Variants in B4GALT5 observed in about 807,000 individuals in gnomAD.
The protein encoded by B4GALT5 is beta-1,4-galactosyltransferase 5.
In B4GALT5, 11 loss-of-function variants were observed where a neutral mutation model predicts 45.0. That is an observed-to-expected ratio of 0.24 (90% CI 0.15 to 0.40). The LOEUF is 0.40. Among genes scored for constraint, B4GALT5 ranks in the 10% least tolerant of loss-of-function variants. The pLI, the probability that B4GALT5 is intolerant of heterozygous loss-of-function variation, is 1.00. For missense variants in B4GALT5, 337 were observed against 500.2 expected, an observed-to-expected ratio of 0.67 and a Z score of 3.11; for synonymous variants, 185 against 182.9, an observed-to-expected ratio of 1.01 and a Z score of -0.09.
intron 1 of B4GALT5, among the ~76,000 whole-genome samples, chr20:49,704,485 C>T (rs988635350): frequency 4.6e-5 from 7 of 151,832 alleles, no homozygotes; most frequent in Non-Finnish European, 7.4e-5. Context: ...TTTGGGAGGC[C>T]GAGGTGGGCG....
intron 2 of B4GALT5, among the ~76,000 whole-genome samples, chr20:49,649,282 T>C (rs1474205144): frequency 6.6e-6 from 1 of 152,144 alleles, no homozygotes; most frequent in Non-Finnish European, 1.5e-5. Context: ...CTAATTTATA[T>C]AAAGACATAA....
intron 1 of B4GALT5, among the ~76,000 whole-genome samples, chr20:49,694,767 G>T: frequency 6.6e-6 from 1 of 151,988 alleles, no homozygotes; most frequent in East Asian, 1.9e-4. Context: ...CCTGAACTCT[G>T]CCTTTGCATA....
intron 1 of B4GALT5, among the ~76,000 whole-genome samples, chr20:49,668,818 C>T (rs1167112783): frequency 2.0e-5 from 3 of 152,114 alleles, no homozygotes; most frequent in African/African-American, 7.2e-5. Flanking sequence ...CTCCCACCCC[C>T]ACTGACACCT....
intron 1 of B4GALT5, among the ~76,000 whole-genome samples, chr20:49,704,437 C>T (rs1442172213): frequency 6.6e-6 from 1 of 152,140 alleles, no homozygotes; most frequent in African/African-American, 2.4e-5. Context: ...CACAACATTG[C>T]GGCCGGGCGC....
intron 1 of B4GALT5, among the ~76,000 whole-genome samples, chr20:49,657,687 C>T (rs1486214324): frequency 6.6e-6 from 1 of 152,170 alleles, no homozygotes; most frequent in Non-Finnish European, 1.5e-5. Flanking sequence ...CTTGGCTAAC[C>T]TCGGGACCAG....
chr20:49,639,488 CA>C (rs1447490450), intron 7 of B4GALT5, among the ~76,000 whole-genome samples, 189 bp downstream of exon 7: 2 of 152,036 alleles, frequency 1.3e-5, no homozygotes, highest in African/African-American at 2.4e-5. Flanking sequence ...CTCGGCCTTC[CA>C]AAGTGCTGGG....
chr20:49,652,569 A>G (rs2085626884), intron 2 of B4GALT5, among the ~76,000 whole-genome samples: 1 of 151,704 alleles, frequency 6.6e-6, no homozygotes, highest in African/African-American at 2.4e-5. Flanking sequence ...CACTCCATTA[A>G]TAGATTACAA....
At chr20:49,663,073 C>CT (rs2146340006) in intron 1 of B4GALT5, among the ~76,000 whole-genome samples, 1 of 152,330 alleles carries the variant, frequency 6.6e-6, no homozygotes, top group Non-Finnish European at 1.5e-5. Context: ...GAATGAATCT[C>CT]TCACACTTTA....
Position 49,646,978 on chromosome 20 carries a change from T to C in B4GALT5, c.351A>G (p.Arg117=), listed in dbSNP as rs1206772489. Reference sequence around the variant, plus strand: ...AGCTGTACTCACTCATGGAAGGGAGTCTTTCAGGGCAGGTATGGTTTGCAA... The same window carrying C: ...AGCTGTACTCACTCATGGAAGGGAGCCTTTCAGGGCAGGTATGGTTTGCAA... ...TYFANHTCPE[R]LPSMKGPIDI... The change falls in exon 3 of 9, where the codon AGA becomes AGG. Residue 117 remains arginine (R), a synonymous_variant. Transcript: ENST00000371711. 1.9e-6 allele frequency: 3 copies of C among 1,610,942 alleles called. No individual in the cohort carries two copies. Among genetic ancestry groups the C allele is most frequent in the East Asian group, 4.5e-5 (2 of 44,838 alleles).
At chr20:49,645,801 T>C (rs1434970532) in intron 3 of B4GALT5, among the ~76,000 whole-genome samples, 1 of 151,874 alleles carries the variant, frequency 6.6e-6, no homozygotes, top group Non-Finnish European at 1.5e-5. Context: ...TTATACTAGA[T>C]AATGATAATA....
At chr20:49,658,216 T>G (rs2085651145) in intron 1 of B4GALT5, among the ~76,000 whole-genome samples, 1 of 152,028 alleles carries the variant, frequency 6.6e-6, no homozygotes, top group Non-Finnish European at 1.5e-5. Flanking sequence ...AGCTTCCAAT[T>G]ATTAAAAAAA....
rs530783054 is a variant in B4GALT5 at position 49,682,010 on chromosome 20, C to T, written c.116-25308G>A. ...CCTTGGGAGGCTAAAGTGGGAGGAG[C>T]ATTTGAGCCTTTGAGGTTGAGGTTG... On this transcript the variant is annotated intron_variant, in intron 1 of 8. Coordinates refer to ENST00000371711, the MANE Select transcript of B4GALT5 (RefSeq NM_004776.4). Among the ~76,000 whole-genome samples the T allele has an allele frequency of 2.6e-4, 39 of 152,306 alleles. No individual in the cohort carries two copies. The South Asian group carries it at 5.0e-3, about 19-fold the overall frequency.
intron 1 of B4GALT5, among the ~76,000 whole-genome samples, chr20:49,706,025 CAAAAAAAA>C: frequency 9.4e-6 from 1 of 106,218 alleles, no homozygotes; most frequent in African/African-American, 3.5e-5. Context: ...ACTAAAAATA[CAAAAAAAA>C]AAAAAAAAAT....
chr20:49,645,569 T>C (rs2085595499), intron 3 of B4GALT5, among the ~76,000 whole-genome samples: 1 of 151,954 alleles, frequency 6.6e-6, no homozygotes. Context: ...GCCAACATGG[T>C]GAATTCCCAT....
intron 1 of B4GALT5, among the ~76,000 whole-genome samples, chr20:49,667,755 C>T (rs908353160): frequency 4.6e-5 from 7 of 152,192 alleles, no homozygotes; most frequent in Admixed American, 1.3e-4. Context: ...ATATTTCAGG[C>T]TTCCAATATT....
chr20:49,685,437 A>G (rs1012449753), intron 1 of B4GALT5, among the ~76,000 whole-genome samples: 1 of 152,190 alleles, frequency 6.6e-6, no homozygotes, highest in African/African-American at 2.4e-5. Context: ...CAGACAGCCC[A>G]GCCTTTGAAA....
At chr20:49,671,072 C>A (rs1342617232) in intron 1 of B4GALT5, among the ~76,000 whole-genome samples, 1 of 152,148 alleles carries the variant, frequency 6.6e-6, no homozygotes, top group African/African-American at 2.4e-5. Flanking sequence ...TAGAAGTACT[C>A]ACTATTTAAA....
At chr20:49,701,048 T>G (rs1451998106) in intron 1 of B4GALT5, among the ~76,000 whole-genome samples, 1 of 152,206 alleles carries the variant, frequency 6.6e-6, no homozygotes, top group Non-Finnish European at 1.5e-5. Flanking sequence ...AAAAATTTAC[T>G]AAAGTGAAGC....
rs761862144 is a variant in B4GALT5 at position 49,684,619 on chromosome 20, C to T, written c.116-27917G>A. On this transcript the variant is annotated intron_variant, in intron 1 of 8. Transcript: ENST00000371711. ...AGGCCACATATCAAGGACATAAGCACGCAAAATCAGCAAGTGCCATACAGT... is the reference window on the plus strand; with the variant it reads ...AGGCCACATATCAAGGACATAAGCATGCAAAATCAGCAAGTGCCATACAGT... 33 of 518,878 alleles carry T rather than the reference C, an allele frequency of 6.4e-5. 1 individual carries two copies. Among genetic ancestry groups the T allele is most frequent in the Middle Eastern group, 3.2e-4 (1 of 3,146 alleles). The allele number at this position is 518,878 out of a possible 1,614,324, so 32.1% of individuals were successfully genotyped here.
Sources: gnomAD v4.1 joint callset for allele counts (sites outside exome capture counted in the v4.1 genomes callset) on GRCh38, gnomAD v4.1.1 for gene constraint, MANE v1.5 for transcripts, NCBI Gene and HGNC (gene_info 2026-07-23, HGNC 2026-07-21) for gene names.